OSBPL3: variants seen among roughly 807,000 people sequenced by gnomAD.
The protein encoded by OSBPL3 is oxysterol-binding protein-related protein 3.
In OSBPL3, 65 loss-of-function variants were observed where a neutral mutation model predicts 120.1. The observed-to-expected ratio is 0.54, with a 90% CI of 0.44 to 0.67. The LOEUF is 0.67. Among genes scored for constraint, OSBPL3 ranks in the 30% least tolerant of loss-of-function variants. OSBPL3 has a pLI of 0.00. For synonymous variants in OSBPL3, 416 were observed against 402.6 expected (o/e 1.03, Z -0.40); for missense variants, 1,004 against 1,082.1 (o/e 0.93, Z 1.01).
chr7:24,925,091 A>G (rs979784170), intron 1 of OSBPL3, among the ~76,000 whole-genome samples: 3 of 152,258 alleles, frequency 2.0e-5, no homozygotes, highest in African/African-American at 7.2e-5. Flanking sequence ...TTTCTAAATG[A>G]CATGACCACA....
rs1265096840 is a variant in OSBPL3 at position 24,822,081 on chromosome 7, C to T, written c.1885-1843G>A. 6.6e-6 allele frequency among the ~76,000 whole-genome samples: 1 copy of T among 152,034 alleles called. No homozygotes were observed. The highest frequency in any genetic ancestry group is 1.5e-5 in the Non-Finnish European group (1 of 68,004). On this transcript the variant is annotated intron_variant, in intron 16 of 22. Transcript: ENST00000313367. This position sits in a 1 kb window ranked among gnomAD's most constrained non-coding sequence, Gnocchi z 5.8. ...TAGGGATGGGGTCATGCTATGTTGCCCAGACTGGTCCGGAACTCCTGGCCT... is the reference window on the plus strand; with the variant it reads ...TAGGGATGGGGTCATGCTATGTTGCTCAGACTGGTCCGGAACTCCTGGCCT...
chr7:24,800,466 T>C (rs1006342146), intron 22 of OSBPL3, among the ~76,000 whole-genome samples, 187 bp from the exon 23 acceptor site: 1 of 141,100 alleles, frequency 7.1e-6, no homozygotes, highest in African/African-American at 2.8e-5. Flanking sequence ...TTTTTTTTTT[T>C]TTTTTTTTGA....
chr7:24,869,588 A>AG (rs1436380794), intron 5 of OSBPL3, among the ~76,000 whole-genome samples: 1 of 152,190 alleles, frequency 6.6e-6, no homozygotes, highest in African/African-American at 2.4e-5. Flanking sequence ...GAGAGAGGGC[A>AG]GGGGGCAGGG....
intron 2 of OSBPL3, among the ~76,000 whole-genome samples, chr7:24,885,084 T>C (rs1197402941): frequency 6.6e-6 from 1 of 152,008 alleles, no homozygotes; most frequent in Non-Finnish European, 1.5e-5. Flanking sequence ...ATGGTGGTAC[T>C]ACAGGTGCAC....
intron 9 of OSBPL3, 101 bp from the exon 10 acceptor site, chr7:24,861,870 T>A: frequency 1.7e-5 from 12 of 723,184 alleles, no homozygotes; most frequent in East Asian, 3.1e-5. Flanking sequence ...ATACAAAACA[T>A]TTTATAGGTA....
At chr7:24,926,565 A>C (rs911984550) in intron 1 of OSBPL3, among the ~76,000 whole-genome samples, 1 of 152,176 alleles carries the variant, frequency 6.6e-6, no homozygotes, top group Non-Finnish European at 1.5e-5. Context: ...ATCCACTTGC[A>C]GTTCTCTACA....
chr7:24,885,846 ACT>A (rs1445546109), intron 2 of OSBPL3, among the ~76,000 whole-genome samples: 7 of 151,586 alleles, frequency 4.6e-5, no homozygotes, highest in Admixed American at 4.6e-4. Context: ...AGGCTATAGG[ACT>A]CTTTTGATAA....
Position 24,819,699 on chromosome 7 carries a change from AAATT to A in OSBPL3, c.1948+472_1948+475del, listed in dbSNP as rs1467679880. On this transcript the variant is annotated intron_variant, in intron 17 of 22. Coordinates refer to ENST00000313367, the MANE Select transcript of OSBPL3 (RefSeq NM_015550.4). This position sits in a 1 kb window ranked among gnomAD's most constrained non-coding sequence, Gnocchi z 4.1. ...TTTTTAATAAATTGAGAGATTAACA[AAATT>A]AATCCATCTAGGAAATATCTATAGC... Among the ~76,000 whole-genome samples the A allele has an allele frequency of 2.6e-4, 40 of 152,282 alleles. No homozygotes were observed. The highest frequency in any genetic ancestry group is 8.9e-4 in the African/African-American group (37 of 41,556).
At chr7:24,809,153 T>G (rs947247086) in intron 20 of OSBPL3, among the ~76,000 whole-genome samples, 1 of 152,188 alleles carries the variant, frequency 6.6e-6, no homozygotes, top group African/African-American at 2.4e-5. Flanking sequence ...CTGTTTGGTT[T>G]TTTACCAGCC....
At chr7:24,904,445 A>C (rs1807554987) in intron 1 of OSBPL3, among the ~76,000 whole-genome samples, 1 of 152,242 alleles carries the variant, frequency 6.6e-6, no homozygotes. Flanking sequence ...ACAGATTTTA[A>C]AACAACACAG....
chr7:24,965,480 T>C lies in OSBPL3; in HGVS notation c.-150+14406A>G, dbSNP rs1226554716. On this transcript the variant is annotated intron_variant, in intron 1 of 22. Transcript: ENST00000313367. This position sits in a 1 kb window ranked among gnomAD's most constrained non-coding sequence, Gnocchi z 4.3. ...ATAAAATAAGGGGGTTATGACAATC[T>C]AATGATAACCAGAATTCTCTGGTTC... Among the ~76,000 whole-genome samples, 1 of 152,222 alleles carries C rather than the reference T, an allele frequency of 6.6e-6. No individual in the cohort carries two copies. The highest frequency in any genetic ancestry group is 2.4e-5 in the African/African-American group (1 of 41,450).
Position 24,938,715 on chromosome 7 carries a change from C to T in OSBPL3, c.-150+41171G>A, listed in dbSNP as rs905697331. On this transcript the variant is annotated intron_variant, in intron 1 of 22. Transcript: ENST00000313367. The surrounding 1 kb of genome is among the most constrained non-coding windows in gnomAD (Gnocchi z 5.8). Reference sequence around the variant, plus strand: ...AATACTCCTAAATAACATACACAGGCAAGACCTTAGTCACACGGCCATACC... The same window carrying T: ...AATACTCCTAAATAACATACACAGGTAAGACCTTAGTCACACGGCCATACC... 3.3e-5 allele frequency among the ~76,000 whole-genome samples: 5 copies of T among 151,048 alleles called. No homozygotes were observed. Among genetic ancestry groups the T allele is most frequent in the East Asian group, 1.9e-4 (1 of 5,156 alleles).
At position 24,932,332 on chromosome 7, in the gene OSBPL3, G is replaced by A. The variant is rs1359992934; in HGVS notation, c.-149-39711C>T. Among the ~76,000 whole-genome samples the A allele has an allele frequency of 6.6e-6, 1 of 152,144 alleles. No individual in the cohort carries two copies. The highest frequency in any genetic ancestry group is 2.4e-5 in the African/African-American group (1 of 41,432). On this transcript the variant is annotated intron_variant, in intron 1 of 22. Coordinates refer to ENST00000313367, the MANE Select transcript of OSBPL3 (RefSeq NM_015550.4). This position sits in a 1 kb window ranked among gnomAD's most constrained non-coding sequence, Gnocchi z 5.6. ...GGTCAAGTTTCAAGCTGTGCGCCCA[G>A]GGGTCTGAGATAGGTTAGAATGCAA...
chr7:24,960,608 T>C (rs1815613612), intron 1 of OSBPL3, among the ~76,000 whole-genome samples: 1 of 152,020 alleles, frequency 6.6e-6, no homozygotes, highest in Non-Finnish European at 1.5e-5. Context: ...CTTCTGAACC[T>C]GGCATTCATT....
chr7:24,906,788 C>A (rs879934489), intron 1 of OSBPL3, among the ~76,000 whole-genome samples: 1 of 152,116 alleles, frequency 6.6e-6, no homozygotes, highest in Admixed American at 6.5e-5. Flanking sequence ...CATGGGCAGT[C>A]ACCAAAGTTT....
rs1439313585 is a variant in OSBPL3, at chr7:24,930,684, G to T, written c.-149-38063C>A. ...TAACCTCTTAAAAAATTTAATGAAA[G>T]TTATGGTCCAGTCTTTCCAGAAATG... On this transcript the variant is annotated intron_variant, in intron 1 of 22. Transcript: ENST00000313367. The surrounding 1 kb of genome is among the most constrained non-coding windows in gnomAD (Gnocchi z 4.4). 6.6e-6 allele frequency among the ~76,000 whole-genome samples: 1 copy of T among 152,178 alleles called. No individual in the cohort carries two copies. The highest frequency in any genetic ancestry group is 1.5e-5 in the Non-Finnish European group (1 of 68,026).
rs1254243135 is a variant in OSBPL3, at chr7:24,980,030, C to T, written c.-294G>A. 4 of 985,336 alleles carry T rather than the reference C, an allele frequency of 4.1e-6. No individual in the cohort carries two copies. Among genetic ancestry groups the T allele is most frequent in the African/African-American group, 1.7e-5 (1 of 57,220 alleles). The allele number at this position is 985,336 out of a possible 1,614,324, so 61.0% of individuals were successfully genotyped here. On this transcript the variant is annotated 5_prime_UTR_variant, in exon 1 of 23. Transcript: ENST00000313367. ...CAGCTCCCGCACCGGCCGCAGGAGT[C>T]GGGGGCGGGGATGGCCACTTGCAGA...
rs1365148452 is a variant in OSBPL3 at position 24,815,105 on chromosome 7, TTGA to T, written c.2123_2125del (p.Ile708del). The T allele has an allele frequency of 6.2e-7, 1 of 1,613,536 alleles. No individual in the cohort carries two copies. The highest frequency in any genetic ancestry group is 1.7e-5 in the Admixed American group (1 of 60,026). ...GTAGCAGGAATCATCATGCAGGTTC[TTGA>T]TGACAATCTCTCCATAGTGCTCAAT... is the stretch of plus-strand genomic sequence containing the variant. On this transcript the variant is annotated inframe_deletion, in exon 19 of 23. Coordinates refer to ENST00000313367, the MANE Select transcript of OSBPL3 (RefSeq NM_015550.4). This position sits in a 1 kb window ranked among gnomAD's most constrained non-coding sequence, Gnocchi z 5.1.
chr7:24,897,561 G>A (rs926639315), intron 1 of OSBPL3, among the ~76,000 whole-genome samples: 21 of 151,966 alleles, frequency 1.4e-4, no homozygotes, highest in African/African-American at 4.3e-4. Context: ...TCCTGACCTC[G>A]TGATCCGCCC....
Sources: gnomAD v4.1 joint callset for allele counts (sites outside exome capture counted in the v4.1 genomes callset) on GRCh38, gnomAD v4.1.1 for gene constraint, Gnocchi (gnomAD v3.1) non-coding constraint, MANE v1.5 for transcripts, NCBI Gene and HGNC (gene_info 2026-07-23, HGNC 2026-07-21) for gene names.